The following EPHB1 variants were observed in gnomAD, a reference collection of about 807,000 sequenced individuals.
EPHB1 encodes ephrin type-B receptor 1.
In EPHB1, 30 loss-of-function variants were observed where a neutral mutation model predicts 94.4. The observed-to-expected ratio is 0.32, with a 90% CI of 0.24 to 0.43. The LOEUF (loss-of-function observed/expected upper bound fraction) is 0.43, where lower values mean the gene tolerates loss of function less well. Ranked by LOEUF, EPHB1 falls within the 20% of genes least tolerant of loss-of-function variation. EPHB1 has a pLI of 1.00. For missense variants in EPHB1, 1,055 were observed against 1,308.3 expected, an observed-to-expected ratio of 0.81 and a Z score of 2.99; for synonymous variants, 522 against 489.1, an observed-to-expected ratio of 1.07 and a Z score of -0.89.
At chr3:134,937,261 A>C (rs1348993462) in intron 2 of EPHB1, among the ~76,000 whole-genome samples, 3 of 152,232 alleles carry the variant, frequency 2.0e-5, no homozygotes, top group African/African-American at 7.2e-5. Context: ...CCAAAGTCCC[A>C]GGAAAAAGCA....
At chr3:134,883,491 T>G (rs1295053327) in intron 1 of EPHB1, among the ~76,000 whole-genome samples, 1 of 152,210 alleles carries the variant, frequency 6.6e-6, no homozygotes, top group Non-Finnish European at 1.5e-5. Context: ...GAGAACTGGA[T>G]TCAAAGGTCC....
chr3:135,254,577 G>C (rs935495418), intron 15 of EPHB1, among the ~76,000 whole-genome samples: 1 of 152,014 alleles, frequency 6.6e-6, no homozygotes, highest in Non-Finnish European at 1.5e-5. Context: ...CTTGATCATG[G>C]TGAATAAGCT....
chr3:134,949,964 C>T lies in EPHB1; in HGVS notation c.124-1407C>T, dbSNP rs1932951361. Among the ~76,000 whole-genome samples, 4 of 152,174 alleles carry T rather than the reference C, an allele frequency of 2.6e-5. No individual in the cohort carries two copies. The South Asian group carries it at 8.3e-4, about 32-fold the overall frequency. ...AGACCCCTCCTGACTCCCCTCCAAC[C>T]CTCATTGCCTGTTATTGAAATAATC... On this transcript the variant is annotated intron_variant, in intron 2 of 15. Transcript: ENST00000398015.
chr3:135,236,353 G>A (rs1390858969), intron 12 of EPHB1, among the ~76,000 whole-genome samples: 1 of 151,798 alleles, frequency 6.6e-6, no homozygotes, highest in African/African-American at 2.4e-5. Flanking sequence ...TGAAATGTAG[G>A]GCTCATCCTA....
intron 3 of EPHB1, among the ~76,000 whole-genome samples, chr3:135,005,547 C>G (rs1232543419): frequency 6.6e-6 from 1 of 152,208 alleles, no homozygotes; most frequent in Non-Finnish European, 1.5e-5. Context: ...GTGGGCGCCC[C>G]TCCCCCAGCC....
At chr3:134,847,673 G>T (rs35296479) in intron 1 of EPHB1, among the ~76,000 whole-genome samples, 23,360 of 152,100 alleles carry the variant, frequency 0.15, 2,283 homozygotes, top group African/African-American at 0.29. Flanking sequence ...CTTGGCCAGG[G>T]TGCATCCTCA....
intron 10 of EPHB1, among the ~76,000 whole-genome samples, chr3:135,189,419 T>C (rs141475812): frequency 8.1e-4 from 124 of 152,338 alleles, no homozygotes; most frequent in African/African-American, 2.6e-3. Flanking sequence ...TTCATGGACC[T>C]GTGACTGGTG....
chr3:135,115,153 C>T (rs545826151), intron 4 of EPHB1, among the ~76,000 whole-genome samples: 2 of 152,274 alleles, frequency 1.3e-5, no homozygotes, highest in Non-Finnish European at 2.9e-5. Context: ...ACGTGAAGTG[C>T]ATCCATGTAA....
Position 135,132,842 on chromosome 3 carries a change from C to A in EPHB1, c.1090C>A (p.Arg364=), listed in dbSNP as rs373293977. The A allele has an allele frequency of 1.9e-5, 31 of 1,613,874 alleles. No individual in the cohort carries two copies. The highest frequency in any genetic ancestry group is 2.0e-5 in the Non-Finnish European group (24 of 1,179,884). Residue 364 remains arginine, a synonymous_variant, in exon 5 of 16, where the codon CGG becomes AGG. Coordinates refer to ENST00000398015, the MANE Select transcript of EPHB1 (RefSeq NM_004441.5). ...VTYNIICKKC[R]ADRRSCSRCD... is the part of the protein sequence containing the mutation. ...CTACAACATCATCTGCAAAAAGTGCCGGGCAGACCGCCGGAGCTGCTCCCG... is the reference window on the plus strand; with the variant it reads ...CTACAACATCATCTGCAAAAAGTGCAGGGCAGACCGCCGGAGCTGCTCCCG...
chr3:135,237,277 TACAC>T lies in EPHB1; in HGVS notation c.2347-3839_2347-3836del, dbSNP rs10572168. ...TATCTTCTCGTAGTTCACCAAATTCTACACACACACACACACACACACACACACA... is the reference window on the plus strand; with the variant it reads ...TATCTTCTCGTAGTTCACCAAATTCTACACACACACACACACACACACACA... On this transcript the variant is annotated intron_variant, in intron 12 of 15. Transcript: ENST00000398015. Among the ~76,000 whole-genome samples, 1,446 of 147,160 alleles carry T rather than the reference TACAC, an allele frequency of 9.8e-3. 9 individuals carry two copies. Among genetic ancestry groups the T allele is most frequent in the African/African-American group, 0.019 (777 of 40,168 alleles).
rs745760849 is a variant in EPHB1 at position 135,052,909 on chromosome 3, ATGTGTGTGTGTG to A, written c.806-53527_806-53516del. Among the ~76,000 whole-genome samples, 5 of 68,852 alleles carry A rather than the reference ATGTGTGTGTGTG, an allele frequency of 7.3e-5. 1 individual carries two copies. The highest frequency in any genetic ancestry group is 3.9e-4 in the African/African-American group (5 of 12,972). 45.2% of individuals were successfully genotyped at this position (68,852 alleles called of 152,430 possible). A position where few individuals can be genotyped will look rare whatever the true frequency, so the allele number is the denominator to read the frequency against. Reference sequence around the variant, plus strand: ...AAAAAAAATATATATATATATATATATGTGTGTGTGTGTGTGTGTGTGTATATATGTGTGTAT... The same window carrying A: ...AAAAAAAATATATATATATATATATATGTGTGTGTGTATATATGTGTGTAT... On this transcript the variant is annotated intron_variant, in intron 3 of 15. Transcript: ENST00000398015.
intron 3 of EPHB1, among the ~76,000 whole-genome samples, chr3:134,995,170 A>G (rs1435957271): frequency 1.3e-5 from 2 of 152,166 alleles, no homozygotes; most frequent in Admixed American, 6.5e-5. Context: ...CTGACAATCA[A>G]TGTGTTCTTG....
chr3:135,010,805 A>G (rs957278227), intron 3 of EPHB1, among the ~76,000 whole-genome samples: 18 of 151,682 alleles, frequency 1.2e-4, no homozygotes, highest in Non-Finnish European at 1.9e-4. Flanking sequence ...CTCGTGATCC[A>G]CCTACCTCGG....
intron 6 of EPHB1, among the ~76,000 whole-genome samples, chr3:135,157,928 A>G (rs1159735877): frequency 2.0e-5 from 3 of 152,230 alleles, no homozygotes; most frequent in African/African-American, 4.8e-5. Context: ...GAAACATTAA[A>G]TGACTTACCC....
At chr3:134,970,943 C>T (rs1196779546) in intron 3 of EPHB1, among the ~76,000 whole-genome samples, 1 of 152,206 alleles carries the variant, frequency 6.6e-6, no homozygotes, top group African/African-American at 2.4e-5. Context: ...TAAGCTTTAT[C>T]CTTTTCTCAC....
chr3:134,983,656 C>G (rs545972191), intron 3 of EPHB1, among the ~76,000 whole-genome samples: 1 of 152,330 alleles, frequency 6.6e-6, no homozygotes, highest in African/African-American at 2.4e-5. Flanking sequence ...GCTGCCTGTG[C>G]AAAGCAGAGG....
chr3:134,966,383 G>A lies in EPHB1; in HGVS notation c.805+14331G>A, dbSNP rs78958235. Among the ~76,000 whole-genome samples the A allele has an allele frequency of 2.3e-3, 348 of 152,224 alleles. 2 individuals carry two copies. The highest frequency in any genetic ancestry group is 8.1e-3 in the African/African-American group (335 of 41,526). ...AAAGCTTCTTCAGAATGGCAAAGAG[G>A]GCTTTGTCTTAACCTCCTATCATAA... On this transcript the variant is annotated intron_variant, in intron 3 of 15. Coordinates refer to ENST00000398015, the MANE Select transcript of EPHB1 (RefSeq NM_004441.5).
At chr3:135,093,576 G>A (rs77861817) in intron 3 of EPHB1, among the ~76,000 whole-genome samples, 7 of 151,964 alleles carry the variant, frequency 4.6e-5, no homozygotes, top group Non-Finnish European at 8.8e-5. Context: ...AAAATAATTA[G>A]CCAGGCCTGG....
At chr3:134,850,814 C>G (rs965106837) in intron 1 of EPHB1, among the ~76,000 whole-genome samples, 2 of 152,250 alleles carry the variant, frequency 1.3e-5, no homozygotes, top group African/African-American at 4.8e-5. Flanking sequence ...TGTGGCTACT[C>G]TGAGGGCACG....
Sources: allele counts gnomAD v4.1 joint callset (sites outside exome capture counted in the v4.1 genomes callset), GRCh38; gene constraint gnomAD v4.1.1; transcripts MANE v1.5; gene names NCBI Gene and HGNC (gene_info 2026-07-23, HGNC 2026-07-21).